Variants in CSMD3 observed in about 807,000 individuals in gnomAD.
CSMD3 encodes the protein CUB and Sushi multiple domains 3.
A neutral mutation model predicts 435.2 loss-of-function variants in CSMD3; 177 were observed. The observed-to-expected ratio is 0.41, with a 90% CI of 0.36 to 0.46. The LOEUF is 0.46. Among genes scored for constraint, CSMD3 ranks in the 20% least tolerant of loss-of-function variants. The pLI, the probability that CSMD3 is intolerant of heterozygous loss-of-function variation, is 0.34. For synonymous variants in CSMD3, 1,656 were observed against 1,520.5 expected (o/e 1.09, Z -2.07); for missense variants, 4,265 against 4,504.6 (o/e 0.95, Z 1.52).
At chr8:113,013,721 A>G (rs577300033) in intron 6 of CSMD3, among the ~76,000 whole-genome samples, 1 of 152,152 alleles carries the variant, frequency 6.6e-6, no homozygotes, top group Non-Finnish European at 1.5e-5. Context: ...TCTGCTCTTT[A>G]ACCACTGGGC....
intron 27 of CSMD3, among the ~76,000 whole-genome samples, chr8:112,550,100 T>C (rs1357316100): frequency 2.0e-5 from 3 of 151,992 alleles, no homozygotes; most frequent in Non-Finnish European, 2.9e-5. Context: ...AGCAGTGCCA[T>C]GAGAAGAAAA....
At position 113,203,679 on chromosome 8, in the gene CSMD3, C is replaced by T. The variant is rs2092738497; in HGVS notation, c.515-29763G>A. 3.3e-5 allele frequency among the ~76,000 whole-genome samples: 5 copies of T among 152,142 alleles called. No individual in the cohort carries two copies. The South Asian group carries it at 8.3e-4, about 25-fold the overall frequency. ...TCTTAAATTCAAACCTTTCTACTTC[C>T]TCAGTCCAGCTCCATCAAGACAAAA... On this transcript the variant is annotated intron_variant, in intron 3 of 70. Transcript: ENST00000297405.
At chr8:113,273,544 G>T (rs1441430239) in intron 3 of CSMD3, among the ~76,000 whole-genome samples, 1 of 152,010 alleles carries the variant, frequency 6.6e-6, no homozygotes, top group Non-Finnish European at 1.5e-5. Flanking sequence ...TATGCTACCT[G>T]CCTATTAGAT....
At chr8:112,237,945 G>A (rs1367014262) in intron 66 of CSMD3, among the ~76,000 whole-genome samples, 1 of 152,026 alleles carries the variant, frequency 6.6e-6, no homozygotes. Flanking sequence ...CACTAGTATT[G>A]TTGGACTCTC....
At chr8:113,374,818 T>TAAAAAAAAA (rs1215451792) in intron 1 of CSMD3, among the ~76,000 whole-genome samples, 518 of 27,742 alleles carry the variant, frequency 0.019, 14 homozygotes, top group East Asian at 0.033. Context: ...TGTTAAAAAG[T>TAAAAAAAAA]AAAAAAAAAA....
chr8:112,385,257 C>T (rs1829829897), intron 36 of CSMD3, among the ~76,000 whole-genome samples: 1 of 152,166 alleles, frequency 6.6e-6, no homozygotes, highest in Non-Finnish European at 1.5e-5. Flanking sequence ...TTCTGTACCT[C>T]AGATTATTTA....
chr8:112,520,255 A>G (rs919710258), intron 27 of CSMD3, among the ~76,000 whole-genome samples: 4 of 152,080 alleles, frequency 2.6e-5, no homozygotes, highest in Non-Finnish European at 5.9e-5. Flanking sequence ...CATGCAAAGC[A>G]CTTGACTAGC....
chr8:113,070,121 C>A (rs991091822), intron 5 of CSMD3, among the ~76,000 whole-genome samples: 3 of 152,012 alleles, frequency 2.0e-5, no homozygotes, highest in Non-Finnish European at 4.4e-5. Context: ...ACATTTAGCA[C>A]TTTTTAGGCA....
chr8:112,311,477 T>G (rs1821973071), intron 49 of CSMD3, among the ~76,000 whole-genome samples: 1 of 152,190 alleles, frequency 6.6e-6, no homozygotes, highest in Non-Finnish European at 1.5e-5. Context: ...TAACTGAATT[T>G]TGGAAACCGC....
chr8:112,448,234 T>A (rs1815843605), intron 32 of CSMD3, among the ~76,000 whole-genome samples: 1 of 152,166 alleles, frequency 6.6e-6, no homozygotes, highest in African/African-American at 2.4e-5. Context: ...CCTCTTCCTC[T>A]TTTCATAAGA....
chr8:112,370,236 A>G (rs998972502), intron 38 of CSMD3, among the ~76,000 whole-genome samples: 19 of 152,178 alleles, frequency 1.2e-4, no homozygotes, highest in Non-Finnish European at 4.4e-5. Flanking sequence ...CATTGAGGAC[A>G]TAAAAACAGC....
At chr8:112,507,246 T>C (rs770520881) in intron 28 of CSMD3, among the ~76,000 whole-genome samples, 1 of 152,202 alleles carries the variant, frequency 6.6e-6, no homozygotes, top group South Asian at 2.1e-4. Flanking sequence ...TAGCTTATTT[T>C]CATGTCTCTC....
chr8:112,650,245 C>A lies in CSMD3; in HGVS notation c.3109G>T (p.Asp1037Tyr), dbSNP rs546666622. 1 of 1,613,850 alleles carries A rather than the reference C, an allele frequency of 6.2e-7. No individual in the cohort carries two copies. The highest frequency in any genetic ancestry group is 1.7e-5 in the Admixed American group (1 of 60,010). ...SIGSTVSFSC[D>Y]SGYRLSHEEP... ...TCATGACTCAACCTGTATCCTGAATCACAACTAAATGAAACAGTAGAGCCA... is the reference window on the plus strand; with the variant it reads ...TCATGACTCAACCTGTATCCTGAATAACAACTAAATGAAACAGTAGAGCCA... Residue 1037 changes from aspartate to tyrosine, a missense_variant, in exon 19 of 71, where the codon GAT becomes TAT. By Grantham distance (160) the Asp-to-Tyr change is radical. This residue lies in a region of CSMD3 where 3,255 missense variants were observed against 3,380.2 expected (regional missense o/e 0.96). Transcript: ENST00000297405.
intron 31 of CSMD3, among the ~76,000 whole-genome samples, chr8:112,480,369 C>G (rs1015030311): frequency 6.6e-6 from 1 of 152,170 alleles, no homozygotes; most frequent in Admixed American, 6.5e-5. Context: ...CTTTTGAGAA[C>G]TATTAGCAGG....
At chr8:112,383,711 C>T (rs1180419885) in intron 36 of CSMD3, 48 bp from the exon 37 acceptor site, 2 of 1,113,702 alleles carry the variant, frequency 1.8e-6, no homozygotes, top group South Asian at 2.5e-5. Context: ...TAACCAGATA[C>T]ACATAACTAT....
intron 3 of CSMD3, among the ~76,000 whole-genome samples, chr8:113,214,642 T>A (rs1413860843): frequency 6.6e-6 from 1 of 151,908 alleles, no homozygotes; most frequent in Non-Finnish European, 1.5e-5. Context: ...TACAATATCA[T>A]CATTTTACTC....
chr8:113,052,345 C>A (rs1315614101), intron 5 of CSMD3, among the ~76,000 whole-genome samples: 2 of 152,150 alleles, frequency 1.3e-5, no homozygotes, highest in Non-Finnish European at 2.9e-5. Context: ...TAAAAACTTA[C>A]ATCTTCTATG....
intron 24 of CSMD3, among the ~76,000 whole-genome samples, chr8:112,567,102 T>C (rs2123493): frequency 0.85 from 129,730 of 152,142 alleles, 55,726 homozygotes; most frequent in African/African-American, 0.95. Context: ...TTGCTACTGC[T>C]AGTTTCCAAC....
chr8:112,831,256 T>G (rs2079862857), intron 11 of CSMD3, among the ~76,000 whole-genome samples: 1 of 151,982 alleles, frequency 6.6e-6, no homozygotes, highest in African/African-American at 2.4e-5. Context: ...CCACTTATAG[T>G]AAAATATAAA....
Sources: gnomAD v4.1 joint callset for allele counts (sites outside exome capture counted in the v4.1 genomes callset) on GRCh38, gnomAD v4.1.1 for gene constraint, gnomAD v4.1.1 regional missense constraint, MANE v1.5 for transcripts, NCBI Gene and HGNC (gene_info 2026-07-23, HGNC 2026-07-21) for gene names.